The following MEF2A variants were observed in gnomAD, a reference collection of about 807,000 sequenced individuals.
The protein encoded by MEF2A is myocyte enhancer factor 2A, also known as myocyte-specific enhancer factor 2A.
Under a neutral mutation model 55.8 loss-of-function variants are expected in MEF2A, and 28 were observed. The observed-to-expected ratio is 0.50, with a 90% confidence interval of 0.37 to 0.69. MEF2A has a LOEUF of 0.69. MEF2A is among the 30% of genes least tolerant of loss of function. The pLI is 0.00. For synonymous variants in MEF2A, 239 were observed against 227.1 expected, an observed-to-expected ratio of 1.05 and a Z score of -0.47; for missense variants, 528 against 626.2, an observed-to-expected ratio of 0.84 and a Z score of 1.67.
At chr15:99,594,866 A>G (rs1970632063) in intron 1 of MEF2A, among the ~76,000 whole-genome samples, 1 of 152,204 alleles carries the variant, frequency 6.6e-6, no homozygotes, top group African/African-American at 2.4e-5. Context: ...AAATACTTCA[A>G]AGCAGGTGTC....
intron 1 of MEF2A, among the ~76,000 whole-genome samples, chr15:99,589,817 T>C (rs1350999367): frequency 6.6e-6 from 1 of 152,130 alleles, no homozygotes; most frequent in East Asian, 1.9e-4. Context: ...CAAAAAAGTG[T>C]CCTTTTTGTA....
chr15:99,670,063 A>G (rs1272762739), intron 4 of MEF2A, among the ~76,000 whole-genome samples: 4 of 152,176 alleles, frequency 2.6e-5, no homozygotes, highest in Non-Finnish European at 4.4e-5. Context: ...CTGTAACTCT[A>G]CTTTAAAATA....
intron 2 of MEF2A, among the ~76,000 whole-genome samples, chr15:99,631,367 G>C (rs2042914530): frequency 1.3e-5 from 2 of 152,118 alleles, no homozygotes; most frequent in South Asian, 4.2e-4. Context: ...TGTTTGATTG[G>C]GCCCCACGAG....
chr15:99,625,163 G>A (rs2041865220), intron 2 of MEF2A, among the ~76,000 whole-genome samples: 1 of 152,074 alleles, frequency 6.6e-6, no homozygotes. Context: ...TGGGTTTATA[G>A]GGATTTAACC....
chr15:99,614,343 C>T (rs541832638), intron 2 of MEF2A, among the ~76,000 whole-genome samples: 3 of 152,220 alleles, frequency 2.0e-5, no homozygotes, highest in East Asian at 1.9e-4. Context: ...CTCACCTCAC[C>T]GTCCCAAAGT....
intron 5 of MEF2A, among the ~76,000 whole-genome samples, chr15:99,673,880 C>A (rs1252411772): frequency 2.0e-5 from 3 of 151,036 alleles, no homozygotes; most frequent in Non-Finnish European, 4.4e-5. Flanking sequence ...CTTAGTTTTG[C>A]CCTTTAGAAA....
At chr15:99,649,221 T>A (rs1325593127) in intron 4 of MEF2A, among the ~76,000 whole-genome samples, 1 of 152,174 alleles carries the variant, frequency 6.6e-6, no homozygotes, top group Admixed American at 6.5e-5. Context: ...GTCTTGAGGA[T>A]GTATATATCC....
At chr15:99,565,639 C>CCAAGCCGCCGT (rs1436185477), upstream of MEF2A, 1 of 152,376 alleles carries the variant, frequency 6.6e-6, no homozygotes, top group African/African-American at 2.4e-5. Context: ...GGCCCCGGCG[C>CCAAGCCGCCGT]CAAGCCGCCG....
intron 1 of MEF2A, among the ~76,000 whole-genome samples, chr15:99,594,519 C>T (rs866115907): frequency 7.4e-6 from 1 of 134,488 alleles, no homozygotes. Context: ...TTACATACAT[C>T]ATTGACCGTT....
intron 4 of MEF2A, among the ~76,000 whole-genome samples, chr15:99,670,682 A>G (rs1305127195): frequency 6.6e-6 from 1 of 152,222 alleles, no homozygotes; most frequent in Non-Finnish European, 1.5e-5. Context: ...ACCATGAAAT[A>G]CACTCTGAAT....
chr15:99,710,525 G>C, intron 10 of MEF2A, 109 bp from the exon 11 acceptor site: 1 of 1,394,142 alleles, frequency 7.2e-7, no homozygotes, highest in Non-Finnish European at 9.8e-7. Context: ...TTACTGGCAT[G>C]AGCCAGCATG....
chr15:99,642,659 T>C (rs2045239259), intron 3 of MEF2A, among the ~76,000 whole-genome samples: 1 of 152,202 alleles, frequency 6.6e-6, no homozygotes, highest in Non-Finnish European at 1.5e-5. Flanking sequence ...AAAATTATTT[T>C]CTTTATTTAT....
At chr15:99,575,770 C>G (rs998140015) in intron 1 of MEF2A, among the ~76,000 whole-genome samples, 2 of 152,176 alleles carry the variant, frequency 1.3e-5, no homozygotes, top group Non-Finnish European at 2.9e-5. Context: ...CGTTCCCTCT[C>G]CATTTATTAG....
chr15:99,616,931 C>T (rs4965260), intron 2 of MEF2A, among the ~76,000 whole-genome samples: 55,517 of 152,050 alleles, frequency 0.37, 12,517 homozygotes, highest in Non-Finnish European at 0.5. Context: ...ATGTGAGAGC[C>T]TTTTTGAAGC....
At chr15:99,705,072 C>A (rs574160668) in intron 9 of MEF2A, among the ~76,000 whole-genome samples, 1 of 152,330 alleles carries the variant, frequency 6.6e-6, no homozygotes, top group South Asian at 2.1e-4. Flanking sequence ...CAGTCCGTTA[C>A]AACTTAGAAA....
intron 1 of MEF2A, among the ~76,000 whole-genome samples, chr15:99,594,548 C>G (rs1425603006): frequency 6.7e-6 from 1 of 148,154 alleles, no homozygotes; most frequent in Non-Finnish European, 1.5e-5. Flanking sequence ...ACTCAACCTT[C>G]AGTCTCTCTC....
chr15:99,705,219 A>G (rs968425503), intron 9 of MEF2A, among the ~76,000 whole-genome samples: 8 of 152,256 alleles, frequency 5.3e-5, no homozygotes, highest in Non-Finnish European at 1.0e-4. Flanking sequence ...GAAGCCGAGC[A>G]ATACTAGAAC....
intron 5 of MEF2A, among the ~76,000 whole-genome samples, chr15:99,672,764 T>G (rs2051131519): frequency 1.3e-5 from 2 of 152,156 alleles, no homozygotes; most frequent in African/African-American, 4.8e-5. Flanking sequence ...AACATTAAAT[T>G]TATTAATGTT....
rs1596212356 is a variant in MEF2A, at chr15:99,574,113, A to G, written c.-225+8009A>G. On this transcript the variant is annotated intron_variant, in intron 1 of 11. Transcript: ENST00000557942. ...AAAAGTTACAAGAATAGTACAATGA[A>G]CTCCCATTTATATCTGCCGCAGATT... Among the ~76,000 whole-genome samples, 6 of 152,044 alleles carry G rather than the reference A, an allele frequency of 3.9e-5. No homozygotes were observed. In the South Asian group the frequency reaches 1.2e-3, roughly 32 times the overall value.
Sources: allele counts gnomAD v4.1 joint callset (sites outside exome capture counted in the v4.1 genomes callset), GRCh38; gene constraint gnomAD v4.1.1; transcripts MANE v1.5; gene names NCBI Gene and HGNC (gene_info 2026-07-23, HGNC 2026-07-21).